Variants in GABRG2 observed in about 807,000 individuals in gnomAD.
The protein encoded by GABRG2 is gamma-aminobutyric acid receptor subunit gamma-2.
GABRG2 carries 16 observed loss-of-function variants against 56.4 expected under a neutral mutation model. The ratio of observed to expected loss-of-function variants is 0.28; its 90% CI spans 0.19 to 0.43. The LOEUF (loss-of-function observed/expected upper bound fraction) is 0.43. Ranked by LOEUF, GABRG2 falls within the 20% of genes least tolerant of loss-of-function variation. GABRG2 has a pLI of 1.00. For synonymous variants in GABRG2, 208 were observed against 205.5 expected, an observed-to-expected ratio of 1.01 and a Z score of -0.10; for missense variants, 327 against 582.7, an observed-to-expected ratio of 0.56 and a Z score of 4.52.
chr5:162,151,865 G>A (rs1765397670), intron 9 of GABRG2, 112 bp downstream of exon 9: 2 of 921,308 alleles, frequency 2.2e-6, no homozygotes, highest in Non-Finnish European at 3.5e-6. Context: ...CATTCTACTA[G>A]AGATAATATG....
chr5:162,151,872 T>C, intron 9 of GABRG2, 119 bp downstream of exon 9: 1 of 885,894 alleles, frequency 1.1e-6, no homozygotes, highest in Admixed American at 2.1e-5. Flanking sequence ...CTAGAGATAA[T>C]ATGTTGGAGA....
At chr5:162,097,925 T>A in intron 4 of GABRG2, 67 bp downstream of exon 4, 1 of 1,363,786 alleles carries the variant, frequency 7.3e-7, no homozygotes, top group Non-Finnish European at 1.0e-6. Context: ...AAATCAACCT[T>A]AAGTCTCTAA....
At chr5:162,091,065 T>C (rs1760538203) in intron 1 of GABRG2, among the ~76,000 whole-genome samples, 2 of 152,120 alleles carry the variant, frequency 1.3e-5, no homozygotes, top group African/African-American at 4.8e-5. Context: ...TCAGCTCCTT[T>C]AATTTAGACC....
intron 6 of GABRG2, among the ~76,000 whole-genome samples, chr5:162,109,765 A>G (rs1762126905): frequency 6.6e-6 from 1 of 152,018 alleles, no homozygotes; most frequent in African/African-American, 2.4e-5. Flanking sequence ...TCTTTTTGTC[A>G]TGTTGCCACG....
chr5:162,099,733 T>G (rs1054642195), intron 4 of GABRG2: 9 of 152,168 alleles, frequency 5.9e-5, no homozygotes, highest in African/African-American at 2.2e-4. Context: ...TTACATTAGT[T>G]AGTTATGAAA....
chr5:162,093,511 A>G (rs571790570), intron 1 of GABRG2, among the ~76,000 whole-genome samples: 2 of 152,250 alleles, frequency 1.3e-5, no homozygotes, highest in African/African-American at 2.4e-5. Context: ...TTTTCACACA[A>G]ATAGTTTTCT....
intron 9 of GABRG2, chr5:162,152,516 T>C (rs751725687): frequency 4.8e-6 from 2 of 412,530 alleles, no homozygotes; most frequent in Admixed American, 5.3e-5. Context: ...AGCTTATAGA[T>C]GGTGAATATT....
intron 1 of GABRG2, among the ~76,000 whole-genome samples, chr5:162,077,073 CTGTGTGTGTG>C (rs55938019): frequency 0.037 from 5,403 of 146,706 alleles, 121 homozygotes; most frequent in Middle Eastern, 0.059. Flanking sequence ...ACAACTACCC[CTGTGTGTGTG>C]TGTGTGTGTG....
chr5:162,105,868 T>C (rs1761788598), intron 6 of GABRG2, among the ~76,000 whole-genome samples: 1 of 151,540 alleles, frequency 6.6e-6, no homozygotes, highest in Non-Finnish European at 1.5e-5. Context: ...TCTCCAGTTC[T>C]TCATGCTTCC....
intron 1 of GABRG2, among the ~76,000 whole-genome samples, chr5:162,086,975 G>T (rs1348993692): frequency 6.6e-6 from 1 of 151,880 alleles, no homozygotes; most frequent in East Asian, 1.9e-4. Flanking sequence ...AAATTTCTGG[G>T]TTATAGAGTA....
At chr5:162,127,434 T>G (rs1310495032) in intron 6 of GABRG2, among the ~76,000 whole-genome samples, 2 of 151,934 alleles carry the variant, frequency 1.3e-5, no homozygotes, top group Admixed American at 1.3e-4. Flanking sequence ...AATCTAAGAT[T>G]TATGTAAGAT....
intron 7 of GABRG2, chr5:162,142,918 T>G (rs2113602970): frequency 6.6e-6 from 1 of 152,384 alleles, no homozygotes; most frequent in South Asian, 2.1e-4. Context: ...AAAAAAGATT[T>G]TTTTACTTCT....
intron 6 of GABRG2, among the ~76,000 whole-genome samples, chr5:162,106,595 CAGG>C (rs2113387864): frequency 6.6e-6 from 1 of 152,254 alleles, no homozygotes; most frequent in East Asian, 1.9e-4. Flanking sequence ...GGGAAATTAT[CAGG>C]AGATCAATCT....
intron 6 of GABRG2, among the ~76,000 whole-genome samples, chr5:162,117,386 A>T (rs1220182815): frequency 6.6e-6 from 1 of 152,166 alleles, no homozygotes; most frequent in Non-Finnish European, 1.5e-5. Context: ...TTAATAAAGA[A>T]TGGCTACAAA....
intron 1 of GABRG2, among the ~76,000 whole-genome samples, chr5:162,070,609 A>G (rs1158338223): frequency 6.6e-6 from 1 of 152,046 alleles, no homozygotes; most frequent in African/African-American, 2.4e-5. Context: ...GACAAAATTT[A>G]TTAGTCTATG....
At position 162,089,181 on chromosome 5, in the gene GABRG2, G is replaced by C. The variant is rs79525038; in HGVS notation, c.108-4647G>C. Among the ~76,000 whole-genome samples the C allele has an allele frequency of 5.2e-3, 794 of 152,120 alleles. 6 individuals are homozygous for C. The highest frequency in any genetic ancestry group is 0.017 in the African/African-American group (711 of 41,498). On this transcript the variant is annotated intron_variant, in intron 1 of 9. Coordinates refer to ENST00000639213, the MANE Select transcript of GABRG2 (RefSeq NM_198904.4). ...GAGTGGAGCAGAGGAAAGGTTGAAG[G>C]CAGAAAGGACAGTTACATGCAAAGG...
At position 162,114,886 on chromosome 5, in the gene GABRG2, T is replaced by G. The variant is rs56857972; in HGVS notation, c.769+10860T>G. Among the ~76,000 whole-genome samples the G allele has an allele frequency of 3.6e-3, 553 of 152,318 alleles. 5 individuals carry two copies. Among genetic ancestry groups the G allele is most frequent in the African/African-American group, 0.013 (528 of 41,574 alleles). The stretch of plus-strand genomic sequence containing the variant: ...GTAGTCTTCACCGTCTTTTAGTTTC[T>G]TTTCCAACTCACATGTAAGCAGCTA... On this transcript the variant is annotated intron_variant, in intron 6 of 9. Transcript: ENST00000639213.
At chr5:162,084,134 AT>A (rs1349912852) in intron 1 of GABRG2, among the ~76,000 whole-genome samples, 1 of 151,824 alleles carries the variant, frequency 6.6e-6, no homozygotes, top group Non-Finnish European at 1.5e-5. Flanking sequence ...CTAAAGACAA[AT>A]TAGAAATAAA....
intron 2 of GABRG2, chr5:162,094,225 A>G: frequency 2.1e-6 from 1 of 482,870 alleles, no homozygotes; most frequent in East Asian, 3.8e-5. Flanking sequence ...ACATATTGCT[A>G]GATATCTCAG....
Sources: gnomAD v4.1 joint callset for allele counts (sites outside exome capture counted in the v4.1 genomes callset) on GRCh38, gnomAD v4.1.1 for gene constraint, MANE v1.5 for transcripts, NCBI Gene and HGNC (gene_info 2026-07-23, HGNC 2026-07-21) for gene names.